The following LMF1 variants were observed in gnomAD, a reference collection of about 807,000 sequenced individuals.
The protein encoded by LMF1 is lipase maturation factor 1.
A neutral mutation model predicts 60.6 loss-of-function variants in LMF1; 68 were observed. The observed-to-expected ratio is 1.12, with a 90% CI of 0.92 to 1.37. The LOEUF (loss-of-function observed/expected upper bound fraction) is 1.37. Ranked by LOEUF, LMF1 falls within the 40% of genes most tolerant of loss-of-function variation. LMF1 has a pLI of 0.00. For missense variants in LMF1, 948 were observed against 767.2 expected, an observed-to-expected ratio of 1.24 and a Z score of -2.78; for synonymous variants, 418 against 324.7, an observed-to-expected ratio of 1.29 and a Z score of -3.09.
At chr16:888,071 C>T (rs2070363887) in intron 5 of LMF1, among the ~76,000 whole-genome samples, 1 of 152,228 alleles carries the variant, frequency 6.6e-6, no homozygotes, top group Admixed American at 6.5e-5. Context: ...GTAGCCCTGA[C>T]AGCATCCTTC....
At chr16:860,553 C>G (rs1427608027) in intron 10 of LMF1, among the ~76,000 whole-genome samples, 1 of 152,094 alleles carries the variant, frequency 6.6e-6, no homozygotes, top group East Asian at 1.9e-4. Flanking sequence ...GTTGCTCAGG[C>G]TGGTCTCAAA....
intron 6 of LMF1, among the ~76,000 whole-genome samples, chr16:875,031 G>A (rs1049682964): frequency 3.3e-5 from 5 of 152,184 alleles, no homozygotes; most frequent in East Asian, 3.8e-4. Context: ...TCCAAGGGGG[G>A]ACGCCAGGCC....
In LMF1 at chr16:871,174, G is replaced by T; in HGVS notation, c.1065C>A (p.Pro355=). The T allele has an allele frequency of 6.3e-7, 1 of 1,596,750 alleles. No individual in the cohort carries two copies. Among genetic ancestry groups the T allele is most frequent in the East Asian group, 2.3e-5 (1 of 44,394 alleles). ...TGAGCCACCTACCGAATCTGGGCTC[G>T]GGCCGGGCCCCTCGGATGTCCCTCT... is the stretch of plus-strand genomic sequence containing the variant. ...QMQRDIRGAR[P]EPRFGSVVRR... is the part of the protein sequence containing the mutation. The change falls in exon 7 of 11, where the codon CCC becomes CCA. Residue 355 remains proline, a synonymous_variant. Coordinates refer to ENST00000262301, the MANE Select transcript of LMF1 (RefSeq NM_022773.4).
chr16:898,633 C>T (rs182260098), intron 4 of LMF1, among the ~76,000 whole-genome samples: 1 of 152,348 alleles, frequency 6.6e-6, no homozygotes, highest in African/African-American at 2.4e-5. Context: ...CCCCAAGAAT[C>T]ACCAGGCCTT....
intron 3 of LMF1, among the ~76,000 whole-genome samples, chr16:927,298 C>T (rs1437032453): frequency 1.3e-5 from 2 of 152,194 alleles, no homozygotes; most frequent in Admixed American, 1.3e-4. Context: ...GACACTGAGA[C>T]CAGAGACACG....
rs568089078 is a variant in LMF1 at position 935,105 on chromosome 16, AT to A, written c.504-852del. 4.0e-3 allele frequency among the ~76,000 whole-genome samples: 581 copies of A among 145,348 alleles called. 2 individuals are homozygous for A. Among genetic ancestry groups the A allele is most frequent in the Middle Eastern group, 0.029 (8 of 274 alleles). On this transcript the variant is annotated intron_variant, in intron 2 of 10. Transcript: ENST00000262301. ...CAGGTTTATCCTGGGGTTGATCAGA[AT>A]TTTTTTTTTTTTTTGAGACACGGTC...
At chr16:954,180 G>A in intron 2 of LMF1, 177 bp downstream of exon 2, 2 of 724,320 alleles carry the variant, frequency 2.8e-6, no homozygotes, top group South Asian at 1.5e-5. Context: ...GAAGATGGGT[G>A]GCTGCTGTGG....
At chr16:855,297 C>A in intron 10 of LMF1, 1 of 266,134 alleles carries the variant, frequency 3.8e-6, no homozygotes, top group South Asian at 4.1e-5. Flanking sequence ...GGCTGCTCTC[C>A]TCTGTCATGC....
upstream of LMF1, chr16:975,951 GGA>G (rs1278376473): frequency 2.8e-6 from 1 of 351,348 alleles, no homozygotes; most frequent in Non-Finnish European, 5.3e-6. Context: ...CTCGGTGTTG[GGA>G]GGTTTCAAAT....
At chr16:891,294 C>T (rs969608978) in intron 5 of LMF1, among the ~76,000 whole-genome samples, 2 of 152,350 alleles carry the variant, frequency 1.3e-5, no homozygotes, top group Non-Finnish European at 2.9e-5. Flanking sequence ...GATCCTGAGA[C>T]ACTCCTGGGC....
At chr16:889,019 G>A (rs992771524) in intron 5 of LMF1, among the ~76,000 whole-genome samples, 2 of 152,230 alleles carry the variant, frequency 1.3e-5, no homozygotes, top group Non-Finnish European at 2.9e-5. Flanking sequence ...AGAGCAAGCG[G>A]CCGTCCATGC....
At chr16:889,714 G>A (rs2070421959) in intron 5 of LMF1, among the ~76,000 whole-genome samples, 1 of 152,186 alleles carries the variant, frequency 6.6e-6, no homozygotes, top group Admixed American at 6.5e-5. Context: ...CACGGCTCGG[G>A]GGTTGCAGGC....
chr16:968,975 T>G (rs937071139), intron 1 of LMF1: 6 of 152,190 alleles, frequency 3.9e-5, no homozygotes, highest in Non-Finnish European at 8.8e-5. Flanking sequence ...AGCACCAACA[T>G]TTAAAATGAC....
At chr16:972,789 G>A (rs772080438), upstream of LMF1, among the ~76,000 whole-genome samples, 3 of 152,216 alleles carry the variant, frequency 2.0e-5, no homozygotes, top group East Asian at 1.9e-4. Context: ...AGCTTCCAGC[G>A]CTCCGGGCTC....
Position 854,407 on chromosome 16 carries a change from T to TGGGTCCC in LMF1, c.*118_*124dup, listed in dbSNP as rs755108060. 13 of 986,318 alleles carry TGGGTCCC rather than the reference T, an allele frequency of 1.3e-5. No individual in the cohort carries two copies. The highest frequency in any genetic ancestry group is 2.0e-5 in the Non-Finnish European group (13 of 654,066). The allele number at this position is 986,318 out of a possible 1,614,324, so 61.1% of individuals were successfully genotyped here. A position where few individuals can be genotyped will look rare whatever the true frequency, so the allele number is the denominator to read the frequency against. ...CACCCTGGACCCCCGTGCTGGGGGCTGGGTCCCACCGCTCTCCTCTCCACG... is the reference window on the plus strand; with the variant it reads ...CACCCTGGACCCCCGTGCTGGGGGCTGGGTCCCGGGTCCCACCGCTCTCCTCTCCACG... On this transcript the variant is annotated 3_prime_UTR_variant, in exon 11 of 11. Transcript: ENST00000262301.
chr16:853,689 C>T lies in LMF1; in HGVS notation c.*843G>A, dbSNP rs1334680419. On this transcript the variant is annotated 3_prime_UTR_variant, in exon 11 of 11. Coordinates refer to ENST00000262301, the MANE Select transcript of LMF1 (RefSeq NM_022773.4). ...GGAATAGTAGAAGAATATGCCATAG[C>T]TATGGCTCAAGAATAGGAATAAGAA... The T allele has an allele frequency of 6.6e-6, 3 of 454,126 alleles. No individual in the cohort carries two copies. Among genetic ancestry groups the T allele is most frequent in the Admixed American group, 4.7e-5 (2 of 42,576 alleles). 28.1% of individuals were successfully genotyped at this position (454,126 alleles called of 1,614,324 possible).
intron 1 of LMF1, chr16:980,784 A>C (rs1348599836): frequency 2.0e-5 from 3 of 151,886 alleles, no homozygotes; most frequent in Non-Finnish European, 4.4e-5. Flanking sequence ...CGCGGTCCCC[A>C]CCAGGGCGGC....
At chr16:895,745 G>A (rs2070645222) in intron 4 of LMF1, among the ~76,000 whole-genome samples, 1 of 152,218 alleles carries the variant, frequency 6.6e-6, no homozygotes, top group Admixed American at 6.5e-5. Context: ...CAAGAGCCCA[G>A]CCCGGCCCTA....
At chr16:975,304 T>G (rs2073114067), upstream of LMF1, among the ~76,000 whole-genome samples, 1 of 152,264 alleles carries the variant, frequency 6.6e-6, no homozygotes, top group Non-Finnish European at 1.5e-5. Flanking sequence ...GGGCCCTATG[T>G]TAGGAAACGA....
Sources: allele counts gnomAD v4.1 joint callset (sites outside exome capture counted in the v4.1 genomes callset), GRCh38; gene constraint gnomAD v4.1.1; transcripts MANE v1.5; gene names NCBI Gene and HGNC (gene_info 2026-07-23, HGNC 2026-07-21).